ZNF493: variants seen among roughly 807,000 people sequenced by gnomAD.
The protein encoded by ZNF493 is zinc finger protein 493.
A neutral mutation model predicts 12.2 loss-of-function variants in ZNF493; 11 were observed. The observed-to-expected ratio is 0.90, with a 90% CI of 0.57 to 1.50. The LOEUF (loss-of-function observed/expected upper bound fraction) is 1.50, where lower values mean the gene tolerates loss of function less well. ZNF493 is among the 40% of genes most tolerant of loss of function. The pLI, the probability that ZNF493 is intolerant of heterozygous loss-of-function variation, is 0.00. For synonymous variants in ZNF493, 286 were observed against 302.6 expected (o/e 0.95, Z 0.57); for missense variants, 950 against 906.6 (o/e 1.05, Z -0.61).
intron 3 of ZNF493, among the ~76,000 whole-genome samples, chr19:21,415,502 T>C (rs935283057): frequency 1.4e-4 from 22 of 151,860 alleles, no homozygotes; most frequent in African/African-American, 4.4e-4. Flanking sequence ...GAGTAGGGAG[T>C]AGTAGTCTGA....
intron 3 of ZNF493, chr19:21,414,259 T>C (rs1013805827): frequency 1.3e-5 from 2 of 152,206 alleles, no homozygotes; most frequent in African/African-American, 2.4e-5. Context: ...ATTTGCCAAA[T>C]AGAGTTAGGT....
Position 21,423,669 on chromosome 19 carries a change from C to CT in ZNF493, c.1011dup (p.Lys338Ter). 1 of 1,611,270 alleles carries CT rather than the reference C, an allele frequency of 6.2e-7. No individual in the cohort carries two copies. The highest frequency in any genetic ancestry group is 1.7e-5 in the Admixed American group (1 of 59,824). On this transcript the variant is annotated frameshift_variant, in exon 4 of 4. Transcript: ENST00000392288. LOFTEE classifies it low-confidence loss of function (END_TRUNC). ...GCCTTTAGTATTTTCTCAACCCCTACTAAACATAAGATAATTCACACTGAA... is the reference window on the plus strand; with the variant it reads ...GCCTTTAGTATTTTCTCAACCCCTACTTAAACATAAGATAATTCACACTGAA...
intron 1 of ZNF493, among the ~76,000 whole-genome samples, chr19:21,402,381 T>C (rs1338996109): frequency 2.0e-5 from 3 of 152,200 alleles, no homozygotes; most frequent in East Asian, 3.8e-4. Context: ...AAGGTTATAA[T>C]CCTCAAGCTT....
intron 3 of ZNF493, among the ~76,000 whole-genome samples, chr19:21,415,745 C>G (rs1280194015): frequency 6.6e-6 from 1 of 152,138 alleles, no homozygotes; most frequent in Non-Finnish European, 1.5e-5. Context: ...AATGAAAACG[C>G]TTAGCAGGCT....
chr19:21,415,878 A>T (rs973133436), intron 3 of ZNF493, among the ~76,000 whole-genome samples: 9 of 152,202 alleles, frequency 5.9e-5, no homozygotes, highest in African/African-American at 2.2e-4. Flanking sequence ...ATTTTTTGGA[A>T]TTATAGCAGG....
rs2030861975 is a variant in ZNF493 at position 21,426,603 on chromosome 19, A to G, written c.*1619A>G. 1 of 166,910 alleles carries G rather than the reference A, an allele frequency of 6.0e-6. No individual in the cohort carries two copies. Among genetic ancestry groups the G allele is most frequent in the South Asian group, 2.1e-4 (1 of 4,838 alleles). The allele number at this position is 166,910 out of a possible 1,614,324, so 10.3% of individuals were successfully genotyped here. A position where few individuals can be genotyped will look rare whatever the true frequency, so the allele number is the denominator to read the frequency against. The stretch of plus-strand genomic sequence containing the variant: ...CAGAAAAACTCTGAAGAGGTCACTC[A>G]AACTTTGTTCAACATCAGGGAATTT... On this transcript the variant is annotated 3_prime_UTR_variant, in exon 4 of 4. Transcript: ENST00000392288.
intron 3 of ZNF493, chr19:21,413,278 T>C (rs1208107182): frequency 2.4e-6 from 1 of 410,266 alleles, no homozygotes; most frequent in Non-Finnish European, 4.3e-6. Context: ...TAAGAAAGCA[T>C]GTGTAACTGT....
intron 3 of ZNF493, among the ~76,000 whole-genome samples, chr19:21,419,172 C>T (rs3853837): frequency 0.14 from 21,347 of 151,808 alleles, 1,935 homozygotes; most frequent in Non-Finnish European, 0.21. Flanking sequence ...TCTGTAGTTG[C>T]GACAGTGTTG....
At chr19:21,397,493 C>T (rs1174069455) in intron 1 of ZNF493, 2 of 623,152 alleles carry the variant, frequency 3.2e-6, no homozygotes, top group East Asian at 2.7e-5. Context: ...TGACTGTGCC[C>T]TGCCTGGAGT....
chr19:21,420,623 ATTTTTTTTTTTTTTTTTTTTTT>A (rs1164416201), intron 3 of ZNF493, among the ~76,000 whole-genome samples: 1 of 16,116 alleles, frequency 6.2e-5, no homozygotes, highest in African/African-American at 2.2e-4. Context: ...ATATATATAT[ATTTTTTTTTTTTTTTTTTTTTT>A]TTTTTTTTTT....
chr19:21,423,532 A>T lies in ZNF493; in HGVS notation c.873A>T (p.Lys291Asn), dbSNP rs1252781052. ...ATAAGCTAATTCATACTAGAGAGAA[A>T]CCCTATAAATGTGAACAATATGGCA... Reference protein sequence around the residue: ...TRHKLIHTREKPYKCEQYGKT... With the variant: ...TRHKLIHTRENPYKCEQYGKT... The change falls in exon 4 of 4, where the codon AAA becomes AAT. Residue 291 changes from lysine (K) to asparagine (N), a missense_variant. Coordinates refer to ENST00000392288, the MANE Select transcript of ZNF493 (RefSeq NM_001076678.3). 1 of 1,613,654 alleles carries T rather than the reference A, an allele frequency of 6.2e-7. No homozygotes were observed. Among genetic ancestry groups the T allele is most frequent in the African/African-American group, 1.3e-5 (1 of 74,898 alleles).
rs1475356513 is a variant in ZNF493 at position 21,422,950 on chromosome 19, G to A, written c.291G>A (p.Gly97=). 2 of 1,585,720 alleles carry A rather than the reference G, an allele frequency of 1.3e-6. No homozygotes were observed. The highest frequency in any genetic ancestry group is 8.6e-7 in the Non-Finnish European group (1 of 1,167,878). ...ATTTTGCTGAAGACTTTTGCCCAGG[G>A]CCAGGCATTAAAGATTCTTTTCAAA... The part of the protein sequence containing the change: ...CSHFAEDFCP[G]PGIKDSFQKV... Residue 97 remains glycine (G), a synonymous_variant, in exon 4 of 4, where the codon GGG becomes GGA. Coordinates refer to ENST00000392288, the MANE Select transcript of ZNF493 (RefSeq NM_001076678.3).
rs750373626 is a variant in ZNF493 at position 21,424,502 on chromosome 19, A to G, written c.1843A>G (p.Ile615Val). The change falls in exon 4 of 4, where the codon ATC (isoleucine) becomes GTC (valine). Residue 615 changes from isoleucine to valine, a missense_variant. Ile to Val is a conservative substitution (Grantham distance 29). Transcript: ENST00000392288. ...TGGCAAAGCTTTTAACCGATCTTCA[A>G]TCCTTAGTATACATAAGAAAATTCA... is the stretch of plus-strand genomic sequence containing the variant. Reference protein sequence around the residue: ...ECGKAFNRSSILSIHKKIHTG... With the variant: ...ECGKAFNRSSVLSIHKKIHTG... 3.7e-6 allele frequency: 6 copies of G among 1,613,016 alleles called. No homozygotes were observed. Among genetic ancestry groups the G allele is most frequent in the African/African-American group, 1.3e-5 (1 of 74,852 alleles).
At chr19:21,403,331 A>T (rs2030008185) in intron 1 of ZNF493, among the ~76,000 whole-genome samples, 1 of 152,206 alleles carries the variant, frequency 6.6e-6, no homozygotes, top group African/African-American at 2.4e-5. Context: ...TTTGGTTTTG[A>T]TAGGAAGAGG....
At chr19:21,397,884 GT>G (rs1974198246) in intron 1 of ZNF493, 1 of 153,476 alleles carries the variant, frequency 6.5e-6, no homozygotes, top group East Asian at 1.9e-4. Flanking sequence ...TCCTGGTTAT[GT>G]AATCAGAGCT....
At position 21,423,505 on chromosome 19, in the gene ZNF493, G is replaced by C; in HGVS notation, c.846G>C (p.Arg282Ser). ...TCTACCAATTCTCATACCTTACTAG[G>C]CATAAGCTAATTCATACTAGAGAGA... ...TSFYQFSYLT[R>S]HKLIHTREKP... Residue 282 changes from arginine to serine, a missense_variant, in exon 4 of 4, where the codon AGG becomes AGC. By Grantham distance (110) the Arg-to-Ser change is moderately radical. Coordinates refer to ENST00000392288, the MANE Select transcript of ZNF493 (RefSeq NM_001076678.3). 6.2e-7 allele frequency: 1 copy of C among 1,611,904 alleles called. No individual in the cohort carries two copies. The highest frequency in any genetic ancestry group is 8.5e-7 in the Non-Finnish European group (1 of 1,179,280).
At chr19:21,405,481 G>A (rs2030092059) in intron 2 of ZNF493, 3 of 1,358,444 alleles carry the variant, frequency 2.2e-6, no homozygotes, top group East Asian at 2.8e-5. Flanking sequence ...TCACTCTACA[G>A]TAGTGGTAAT....
chr19:21,415,264 TCTCC>T (rs975241093), intron 3 of ZNF493, among the ~76,000 whole-genome samples: 3 of 152,122 alleles, frequency 2.0e-5, no homozygotes, highest in Non-Finnish European at 2.9e-5. Flanking sequence ...TAGTTGTAAC[TCTCC>T]CTCAGCCTCC....
At chr19:21,420,274 C>T (rs570733499) in intron 3 of ZNF493, among the ~76,000 whole-genome samples, 1 of 152,048 alleles carries the variant, frequency 6.6e-6, no homozygotes, top group African/African-American at 2.4e-5. Flanking sequence ...TTTTCTGTCT[C>T]TTTGTGTCTT....
Sources: gnomAD v4.1 joint callset for allele counts (sites outside exome capture counted in the v4.1 genomes callset) on GRCh38, gnomAD v4.1.1 for gene constraint, MANE v1.5 for transcripts, NCBI Gene and HGNC (gene_info 2026-07-23, HGNC 2026-07-21) for gene names.